The following ACOT13 variants were observed in gnomAD, a reference collection of about 807,000 sequenced individuals.
ACOT13 encodes acyl-coenzyme A thioesterase 13.
A neutral mutation model predicts 11.8 loss-of-function variants in ACOT13; 10 were observed. The ratio of observed to expected loss-of-function variants is 0.85; its 90% CI spans 0.53 to 1.44. The LOEUF is 1.44. ACOT13 is among the 40% of genes most tolerant of loss of function. The pLI, the probability that ACOT13 is intolerant of heterozygous loss-of-function variation, is 0.00. For missense variants in ACOT13, 172 were observed against 174.1 expected (o/e 0.99, Z 0.07); for synonymous variants, 53 against 61.0 (o/e 0.87, Z 0.61).
At chr6:24,677,164 C>T (rs1242164555) in intron 1 of ACOT13, among the ~76,000 whole-genome samples, 1 of 152,148 alleles carries the variant, frequency 6.6e-6, no homozygotes, top group Non-Finnish European at 1.5e-5. Context: ...TGGGATCAGT[C>T]AAGGGAACCC....
intron 1 of ACOT13, among the ~76,000 whole-genome samples, chr6:24,671,600 T>C (rs554840514): frequency 3.7e-4 from 57 of 152,242 alleles, no homozygotes; most frequent in African/African-American, 1.4e-3. Context: ...ACCCTAGAAC[T>C]TAAAGTATAA....
At chr6:24,682,634 G>A (rs1227974833) in intron 1 of ACOT13, among the ~76,000 whole-genome samples, 1 of 152,162 alleles carries the variant, frequency 6.6e-6, no homozygotes, top group East Asian at 1.9e-4. Context: ...CGGACACCCT[G>A]CTGGATCCGG....
chr6:24,694,005 C>T (rs1267145617), intron 1 of ACOT13, among the ~76,000 whole-genome samples: 1 of 152,068 alleles, frequency 6.6e-6, no homozygotes. Context: ...ATTACACAGA[C>T]GAAGTTGCAT....
chr6:24,675,422 C>T (rs987431886), intron 1 of ACOT13, among the ~76,000 whole-genome samples: 2 of 152,156 alleles, frequency 1.3e-5, no homozygotes, highest in African/African-American at 4.8e-5. Context: ...GATCACCATT[C>T]TAACTGGTGT....
intron 1 of ACOT13, among the ~76,000 whole-genome samples, chr6:24,697,178 T>C (rs1278335703): frequency 6.6e-6 from 1 of 152,270 alleles, no homozygotes; most frequent in African/African-American, 2.4e-5. Flanking sequence ...AAGCAGTAAC[T>C]TACTTTGCTG....
intron 1 of ACOT13, among the ~76,000 whole-genome samples, chr6:24,673,817 A>G (rs181135111): frequency 3.5e-4 from 53 of 152,338 alleles, no homozygotes; most frequent in African/African-American, 1.2e-3. Context: ...GATCATATAC[A>G]ATTTTTTTAA....
rs1448364968 is a variant in ACOT13 at position 24,701,507 on chromosome 6, T to C, written c.315T>C (p.His105=). 1.9e-6 allele frequency: 3 copies of C among 1,613,856 alleles called. No individual in the cohort carries two copies. Among genetic ancestry groups the C allele is most frequent in the Non-Finnish European group, 2.5e-6 (3 of 1,179,860 alleles). Residue 105 remains histidine (H), a synonymous_variant, in exon 3 of 3, where the codon CAT becomes CAC. Transcript: ENST00000230048. Reference sequence around the variant, plus strand: ...GAGAAGATATAGTGATTACAGCACATGTTCTGAAGCAAGGAAAAACACTTG... The same window carrying C: ...GAGAAGATATAGTGATTACAGCACACGTTCTGAAGCAAGGAAAAACACTTG... The part of the protein sequence containing the change: ...KLGEDIVITA[H]VLKQGKTLAF...
At chr6:24,676,212 CT>C (rs1778452788) in intron 1 of ACOT13, among the ~76,000 whole-genome samples, 1 of 152,110 alleles carries the variant, frequency 6.6e-6, no homozygotes, top group South Asian at 2.1e-4. Flanking sequence ...AATGCAGGCT[CT>C]TTTTTGGTTC....
chr6:24,701,464 T>C lies in ACOT13; in HGVS notation c.272T>C (p.Met91Thr), dbSNP rs1318722543. The change falls in exon 3 of 3, where the codon ATG becomes ACG. Residue 91 changes from methionine (M) to threonine (T), a missense_variant. Transcript: ENST00000230048. ...GVSVDMNITY[M>T]SPAKLGEDIV... ...TATATTCATTTTCTTTCAAGGTACA[T>C]GTCACCTGCAAAATTAGGAGAAGAT... The C allele has an allele frequency of 3.1e-6, 5 of 1,606,628 alleles. No individual in the cohort carries two copies. The highest frequency in any genetic ancestry group is 4.2e-6 in the Non-Finnish European group (5 of 1,176,662).
chr6:24,689,443 G>A (rs1194531510), intron 1 of ACOT13, among the ~76,000 whole-genome samples: 1 of 152,094 alleles, frequency 6.6e-6, no homozygotes, highest in Non-Finnish European at 1.5e-5. Flanking sequence ...GCAAAATAGA[G>A]AGACCCCATC....
chr6:24,687,813 G>A (rs748600319), intron 1 of ACOT13: 26 of 1,019,930 alleles, frequency 2.5e-5, no homozygotes, highest in Non-Finnish European at 3.5e-5. Flanking sequence ...CCAGGTTCAA[G>A]TATTTCTCCT....
At chr6:24,689,900 A>G (rs1366030089) in intron 1 of ACOT13, among the ~76,000 whole-genome samples, 1 of 152,198 alleles carries the variant, frequency 6.6e-6, no homozygotes, top group Non-Finnish European at 1.5e-5. Context: ...AAAATTAATT[A>G]ATTTTAGCAG....
At chr6:24,672,022 G>A (rs986085089) in intron 1 of ACOT13, among the ~76,000 whole-genome samples, 7 of 152,038 alleles carry the variant, frequency 4.6e-5, no homozygotes, top group African/African-American at 1.7e-4. Flanking sequence ...TGCCATTTTT[G>A]GACTTCAGGG....
chr6:24,679,827 T>TA (rs1038271676), intron 1 of ACOT13, among the ~76,000 whole-genome samples: 6 of 152,206 alleles, frequency 3.9e-5, no homozygotes, highest in Non-Finnish European at 7.3e-5. Context: ...TCCTAACCCT[T>TA]ATAAAACTTC....
At chr6:24,669,112 AG>A (rs1187080077) in intron 1 of ACOT13, among the ~76,000 whole-genome samples, 9 of 152,232 alleles carry the variant, frequency 5.9e-5, no homozygotes, top group African/African-American at 9.6e-5. Context: ...AATTTGAGAC[AG>A]GTATCAGTTA....
intron 1 of ACOT13, among the ~76,000 whole-genome samples, chr6:24,668,253 C>T (rs1475225478): frequency 2.0e-5 from 3 of 149,800 alleles, no homozygotes; most frequent in Non-Finnish European, 4.4e-5. Flanking sequence ...GAGTCTTGCT[C>T]TGTTGCCCAT....
At chr6:24,695,429 C>T (rs1387712112) in intron 1 of ACOT13, among the ~76,000 whole-genome samples, 1 of 152,194 alleles carries the variant, frequency 6.6e-6, no homozygotes, top group Non-Finnish European at 1.5e-5. Context: ...ATAACTCCTG[C>T]CTGTTCTTCA....
intron 1 of ACOT13, among the ~76,000 whole-genome samples, chr6:24,682,290 A>C (rs1393468987): frequency 2.0e-5 from 3 of 152,188 alleles, no homozygotes; most frequent in Non-Finnish European, 4.4e-5. Context: ...GTGGTCACCA[A>C]AATGTTACCG....
intron 1 of ACOT13, among the ~76,000 whole-genome samples, chr6:24,671,347 C>T (rs1778361671): frequency 1.3e-5 from 2 of 151,288 alleles, no homozygotes; most frequent in South Asian, 2.1e-4. Context: ...TCATTCTCAG[C>T]AAACTATCAC....
Sources: gnomAD v4.1 joint callset for allele counts (sites outside exome capture counted in the v4.1 genomes callset) on GRCh38, gnomAD v4.1.1 for gene constraint, MANE v1.5 for transcripts, NCBI Gene and HGNC (gene_info 2026-07-23, HGNC 2026-07-21) for gene names.